DLG2: variants seen among roughly 807,000 people sequenced by gnomAD.
DLG2 encodes disks large homolog 2.
In DLG2, 45 loss-of-function variants were observed where a neutral mutation model predicts 132.5. The observed-to-expected ratio is 0.34, with a 90% confidence interval of 0.27 to 0.44. The LOEUF (loss-of-function observed/expected upper bound fraction) is 0.44, where lower values mean the gene tolerates loss of function less well. Ranked by LOEUF, DLG2 falls within the 20% of genes least tolerant of loss-of-function variation. DLG2 has a pLI of 1.00. For missense variants in DLG2, 1,045 were observed against 1,196.9 expected (o/e 0.87, Z 1.87); for synonymous variants, 424 against 419.6 (o/e 1.01, Z -0.13).
chr11:84,802,521 C>T (rs1352348472), intron 6 of DLG2, among the ~76,000 whole-genome samples: 1 of 151,952 alleles, frequency 6.6e-6, no homozygotes, highest in Non-Finnish European at 1.5e-5. Flanking sequence ...GAGTGACCAA[C>T]CCCAGTCACT....
intron 6 of DLG2, among the ~76,000 whole-genome samples, chr11:84,616,151 A>G (rs1387325201): frequency 6.6e-6 from 1 of 152,094 alleles, no homozygotes; most frequent in Admixed American, 6.6e-5. Context: ...TTGAGATAAG[A>G]AGCACAAGAA....
chr11:85,293,326 C>G (rs144116564), intron 3 of DLG2, among the ~76,000 whole-genome samples: 1 of 152,048 alleles, frequency 6.6e-6, no homozygotes, highest in Non-Finnish European at 1.5e-5. Flanking sequence ...GGGAGGCGAA[C>G]GCAGGAGATA....
At chr11:85,433,238 C>G (rs368697249) in intron 3 of DLG2, among the ~76,000 whole-genome samples, 1 of 152,146 alleles carries the variant, frequency 6.6e-6, no homozygotes, top group Non-Finnish European at 1.5e-5. Flanking sequence ...ACCAATGACA[C>G]TATGAAGAAA....
chr11:85,468,765 G>A (rs1304160555), intron 3 of DLG2, among the ~76,000 whole-genome samples: 1 of 152,160 alleles, frequency 6.6e-6, no homozygotes, highest in Non-Finnish European at 1.5e-5. Flanking sequence ...GTGTGGTGTG[G>A]TGCTGAAAAG....
intron 7 of DLG2, among the ~76,000 whole-genome samples, chr11:84,287,378 C>T (rs1158485849): frequency 6.6e-6 from 1 of 152,090 alleles, no homozygotes; most frequent in East Asian, 1.9e-4. Flanking sequence ...TGGACTGTGC[C>T]TGTGATTATG....
intron 3 of DLG2, among the ~76,000 whole-genome samples, chr11:85,404,157 TAAG>T (rs1396025579): frequency 6.6e-6 from 1 of 151,950 alleles, no homozygotes; most frequent in Non-Finnish European, 1.5e-5. Flanking sequence ...GTTATGATAC[TAAG>T]AAGACAGAAA....
chr11:83,868,655 A>C (rs1437977836), intron 16 of DLG2, among the ~76,000 whole-genome samples: 1 of 152,152 alleles, frequency 6.6e-6, no homozygotes, highest in Non-Finnish European at 1.5e-5. Context: ...GTTTTGATAG[A>C]GTCACTTAAA....
At chr11:84,082,406 T>C (rs1232008490) in intron 10 of DLG2, among the ~76,000 whole-genome samples, 2 of 152,190 alleles carry the variant, frequency 1.3e-5, no homozygotes, top group Non-Finnish European at 2.9e-5. Context: ...TTCTATGAGG[T>C]ACATCCATTA....
intron 6 of DLG2, among the ~76,000 whole-genome samples, chr11:85,019,956 G>A (rs1442160182): frequency 6.6e-6 from 1 of 152,196 alleles, no homozygotes; most frequent in East Asian, 1.9e-4. Flanking sequence ...ATAGCAGCAT[G>A]ATTTATAATC....
chr11:85,394,629 A>G (rs927230089), intron 3 of DLG2, among the ~76,000 whole-genome samples: 2 of 152,248 alleles, frequency 1.3e-5, no homozygotes, highest in African/African-American at 4.8e-5. Flanking sequence ...TAAGTATTTT[A>G]TTAACTCAAG....
At chr11:85,534,305 A>G (rs1050183129) in intron 3 of DLG2, among the ~76,000 whole-genome samples, 1 of 152,100 alleles carries the variant, frequency 6.6e-6, no homozygotes, top group Non-Finnish European at 1.5e-5. Flanking sequence ...TATATTAACT[A>G]AAAAAAGGTC....
intron 4 of DLG2, among the ~76,000 whole-genome samples, chr11:85,155,241 C>G (rs2077513726): frequency 6.6e-6 from 1 of 152,186 alleles, no homozygotes; most frequent in Non-Finnish European, 1.5e-5. Context: ...ACCATCTTTG[C>G]CTTGCACTGT....
chr11:84,877,468 T>G (rs1480113494), intron 6 of DLG2, among the ~76,000 whole-genome samples: 1 of 150,660 alleles, frequency 6.6e-6, no homozygotes, highest in African/African-American at 2.4e-5. Flanking sequence ...TGATATTTGT[T>G]GGTTTAAAGT....
In DLG2 at chr11:85,420,176, T is replaced by C. The variant is rs186083053; in HGVS notation, c.41-134811A>G. Reference sequence around the variant, plus strand: ...CCTTTCTGTTTTTTAGTTTTCCTTCTAACAGTCAGGCCCCTCTGCTGCAGG... The same window carrying C: ...CCTTTCTGTTTTTTAGTTTTCCTTCCAACAGTCAGGCCCCTCTGCTGCAGG... On this transcript the variant is annotated intron_variant, in intron 3 of 27. Transcript: ENST00000376104. Among the ~76,000 whole-genome samples, 109 of 152,342 alleles carry C rather than the reference T, an allele frequency of 7.2e-4. 1 individual carries two copies. Among genetic ancestry groups the C allele is most frequent in the African/African-American group, 2.4e-3 (99 of 41,580 alleles).
chr11:85,122,068 G>A (rs2074390010), intron 5 of DLG2, among the ~76,000 whole-genome samples: 1 of 152,224 alleles, frequency 6.6e-6, no homozygotes, highest in South Asian at 2.1e-4. Context: ...TTAAATGAAA[G>A]AATCAATCAA....
At chr11:84,466,157 C>A (rs1285142963) in intron 7 of DLG2, among the ~76,000 whole-genome samples, 9 of 150,906 alleles carry the variant, frequency 6.0e-5, no homozygotes, top group African/African-American at 1.9e-4. Context: ...AGATCAGTAC[C>A]TCACACCATA....
intron 8 of DLG2, among the ~76,000 whole-genome samples, chr11:84,185,337 T>C (rs2096253169): frequency 6.6e-6 from 1 of 152,176 alleles, no homozygotes; most frequent in South Asian, 2.1e-4. Flanking sequence ...GAAGCAATTG[T>C]GAATGGGAGT....
At chr11:84,068,333 T>G (rs917298887) in intron 10 of DLG2, among the ~76,000 whole-genome samples, 4 of 152,208 alleles carry the variant, frequency 2.6e-5, no homozygotes, top group Admixed American at 6.5e-5. Flanking sequence ...TGGTGGGTCT[T>G]TTACTTGCCA....
chr11:84,350,620 GC>G (rs1432525653), intron 7 of DLG2, among the ~76,000 whole-genome samples: 1 of 152,182 alleles, frequency 6.6e-6, no homozygotes, highest in East Asian at 1.9e-4. Context: ...GATACATTTA[GC>G]ATATAGTTAT....
Sources: gnomAD v4.1 joint callset for allele counts (sites outside exome capture counted in the v4.1 genomes callset) on GRCh38, gnomAD v4.1.1 for gene constraint, MANE v1.5 for transcripts, NCBI Gene and HGNC (gene_info 2026-07-23, HGNC 2026-07-21) for gene names.